The following SSBP2 variants were observed in gnomAD, a reference collection of about 807,000 sequenced individuals.
The protein encoded by SSBP2 is single-stranded DNA-binding protein 2.
Under a neutral mutation model 61.8 loss-of-function variants are expected in SSBP2, and 17 were observed. The ratio of observed to expected loss-of-function variants is 0.28; its 90% CI spans 0.19 to 0.41. SSBP2 has a LOEUF of 0.41. Ranked by LOEUF, SSBP2 falls within the 10% of genes least tolerant of loss-of-function variation. The pLI is 1.00. For synonymous variants in SSBP2, 139 were observed against 141.3 expected, an observed-to-expected ratio of 0.98 and a Z score of 0.12; for missense variants, 310 against 458.7, an observed-to-expected ratio of 0.68 and a Z score of 2.96.
rs1561366921 is a variant in SSBP2, at chr5:81,415,902, ATTCTGACTC to A, written c.*4593_*4601del. Reference sequence around the variant, plus strand: ...ACTCCAGCCTGGGTGACAGAGCAAGATTCTGACTCAAAAAAAAAAAAAAAAAAGAGGAAA... The same window carrying A: ...ACTCCAGCCTGGGTGACAGAGCAAGAAAAAAAAAAAAAAAAAAAGAGGAAA... On this transcript the variant is annotated 3_prime_UTR_variant, in exon 17 of 17. Transcript: ENST00000320672. 7.5e-6 allele frequency: 1 copy of A among 132,592 alleles called. No homozygotes were observed. The allele number at this position is 132,592 out of a possible 1,614,324, so 8.2% of individuals were successfully genotyped here. A position where few individuals can be genotyped will look rare whatever the true frequency, so the allele number is the denominator to read the frequency against.
At chr5:81,487,404 T>C (rs76107520) in intron 6 of SSBP2, among the ~76,000 whole-genome samples, 3,997 of 152,224 alleles carry the variant, frequency 0.026, 176 homozygotes, top group African/African-American at 0.089. Context: ...TCTTGTAGAT[T>C]AAAATGTTGG....
chr5:81,615,001 T>G (rs1477979543), intron 4 of SSBP2: 2 of 152,778 alleles, frequency 1.3e-5, no homozygotes, highest in African/African-American at 4.8e-5. Flanking sequence ...CACAATAAAT[T>G]TTATTTGGGG....
intron 4 of SSBP2, among the ~76,000 whole-genome samples, chr5:81,524,410 C>A (rs1769748415): frequency 6.6e-6 from 1 of 152,064 alleles, no homozygotes; most frequent in Admixed American, 6.6e-5. Flanking sequence ...TCCCAGACTT[C>A]TGACCTACAA....
At chr5:81,681,782 G>T (rs1414268199) in intron 1 of SSBP2, among the ~76,000 whole-genome samples, 2 of 152,000 alleles carry the variant, frequency 1.3e-5, no homozygotes, top group African/African-American at 2.4e-5. Flanking sequence ...AAAGCCAAAG[G>T]CTGGTTGTTT....
intron 4 of SSBP2, chr5:81,615,194 T>C (rs1484370140): frequency 4.2e-6 from 1 of 238,264 alleles, no homozygotes; most frequent in African/African-American, 2.3e-5. Flanking sequence ...TATTTAATTT[T>C]CATAAAATCT....
intron 4 of SSBP2, among the ~76,000 whole-genome samples, chr5:81,570,987 T>C (rs577860958): frequency 1.1e-4 from 17 of 152,346 alleles, no homozygotes; most frequent in African/African-American, 4.1e-4. Context: ...ATCTGTTTTT[T>C]GTCCTCTTCT....
chr5:81,727,199 C>A (rs947353347), intron 1 of SSBP2, among the ~76,000 whole-genome samples: 1 of 152,172 alleles, frequency 6.6e-6, no homozygotes, highest in Non-Finnish European at 1.5e-5. Flanking sequence ...TGTTGCATTG[C>A]CTATAAAGTA....
chr5:81,658,317 G>T (rs866462623), intron 1 of SSBP2, among the ~76,000 whole-genome samples: 1 of 152,010 alleles, frequency 6.6e-6, no homozygotes, highest in East Asian at 1.9e-4. Context: ...TGTGGGTTCC[G>T]TGTGGTTGGA....
chr5:81,489,235 G>A lies in SSBP2; in HGVS notation c.432+15C>T, dbSNP rs1330693705. 6.2e-7 allele frequency: 1 copy of A among 1,601,774 alleles called. No homozygotes were observed. Among genetic ancestry groups the A allele is most frequent in the Admixed American group, 1.7e-5 (1 of 58,430 alleles). ...TTGATTCTTACAAAAAACTTACATAGCACATAAATCTTACCTGATTAGGTA... is the reference window on the plus strand; with the variant it reads ...TTGATTCTTACAAAAAACTTACATAACACATAAATCTTACCTGATTAGGTA... On this transcript the variant is annotated intron_variant, in intron 6 of 16. Coordinates refer to ENST00000320672, the MANE Select transcript of SSBP2 (RefSeq NM_012446.5).
At chr5:81,579,047 A>G (rs567746843) in intron 4 of SSBP2, among the ~76,000 whole-genome samples, 9 of 152,174 alleles carry the variant, frequency 5.9e-5, no homozygotes, top group African/African-American at 2.2e-4. Context: ...GCTTGATAAA[A>G]GCAGAGTTTA....
chr5:81,431,118 T>C (rs1762256882), intron 15 of SSBP2, among the ~76,000 whole-genome samples: 1 of 152,222 alleles, frequency 6.6e-6, no homozygotes, highest in Admixed American at 6.5e-5. Context: ...ATTGTGTGTA[T>C]GCTTCATTTA....
intron 3 of SSBP2, among the ~76,000 whole-genome samples, chr5:81,635,889 A>T (rs1202215168): frequency 1.3e-5 from 2 of 152,170 alleles, no homozygotes; most frequent in African/African-American, 4.8e-5. Flanking sequence ...AAGCAATCTT[A>T]TAACTAGTTT....
In SSBP2 at chr5:81,416,527, T is replaced by C. The variant is rs1761317955; in HGVS notation, c.*3977A>G. On this transcript the variant is annotated 3_prime_UTR_variant, in exon 17 of 17. Transcript: ENST00000320672. The stretch of plus-strand genomic sequence containing the variant: ...GGAAGAAGTAATCAAGACTTCATAG[T>C]ATTAAGGACGGTGGAAAACTTCCCC... 6.6e-6 allele frequency: 1 copy of C among 152,210 alleles called. No individual in the cohort carries two copies. The highest frequency in any genetic ancestry group is 2.4e-5 in the African/African-American group (1 of 41,430). The allele number at this position is 152,210 out of a possible 1,614,324, so 9.4% of individuals were successfully genotyped here. A position where few individuals can be genotyped will look rare whatever the true frequency, so the allele number is the denominator to read the frequency against.
At chr5:81,708,761 C>G (rs1754572046) in intron 1 of SSBP2, among the ~76,000 whole-genome samples, 1 of 151,942 alleles carries the variant, frequency 6.6e-6, no homozygotes, top group Non-Finnish European at 1.5e-5. Context: ...CAGCTAAAGA[C>G]TTTTCCAAGT....
chr5:81,460,132 A>C (rs952094512), intron 10 of SSBP2, among the ~76,000 whole-genome samples: 6 of 152,184 alleles, frequency 3.9e-5, no homozygotes, highest in Middle Eastern at 6.3e-3. Context: ...CCTAACCTTA[A>C]ACACTGGATC....
chr5:81,656,949 A>G (rs865801331), intron 1 of SSBP2, among the ~76,000 whole-genome samples: 11 of 152,130 alleles, frequency 7.2e-5, no homozygotes, highest in African/African-American at 1.2e-4. Context: ...TCTCATCTGT[A>G]TTACAGAAAT....
chr5:81,433,624 C>T (rs966074556), intron 15 of SSBP2, among the ~76,000 whole-genome samples: 1 of 150,318 alleles, frequency 6.7e-6, no homozygotes, highest in Non-Finnish European at 1.5e-5. Context: ...GAAAACAAAC[C>T]ATATACTTCT....
intron 4 of SSBP2, among the ~76,000 whole-genome samples, chr5:81,584,815 T>C (rs1330392727): frequency 6.6e-6 from 1 of 152,114 alleles, no homozygotes; most frequent in Non-Finnish European, 1.5e-5. Flanking sequence ...TTATGTTAAG[T>C]ATATGCCTAA....
At chr5:81,457,097 A>G (rs1764215406) in intron 10 of SSBP2, among the ~76,000 whole-genome samples, 1 of 152,222 alleles carries the variant, frequency 6.6e-6, no homozygotes, top group Non-Finnish European at 1.5e-5. Flanking sequence ...CTAAATACCA[A>G]TACCCAGTTA....
Sources: gnomAD v4.1 joint callset for allele counts (sites outside exome capture counted in the v4.1 genomes callset) on GRCh38, gnomAD v4.1.1 for gene constraint, MANE v1.5 for transcripts, NCBI Gene and HGNC (gene_info 2026-07-23, HGNC 2026-07-21) for gene names.